The following ARL15 variants were observed in gnomAD, a reference collection of about 807,000 sequenced individuals.
ARL15 encodes the protein ADP-ribosylation factor-like protein 15.
ARL15 carries 19 observed loss-of-function variants against 25.2 expected under a neutral mutation model. That is an observed-to-expected ratio of 0.75 (90% CI 0.53 to 1.10). The LOEUF is 1.10. ARL15 is among the 50% of genes least tolerant of loss of function. ARL15 has a pLI of 0.00. For synonymous variants in ARL15, 94 were observed against 86.8 expected (o/e 1.08, Z -0.46); for missense variants, 220 against 246.0 (o/e 0.89, Z 0.71).
intron 4 of ARL15, among the ~76,000 whole-genome samples, chr5:54,096,163 T>C (rs200128848): frequency 5.9e-5 from 9 of 152,300 alleles, no homozygotes; most frequent in Middle Eastern, 3.4e-3. Context: ...CCACTGTTCA[T>C]GTTAGTTCAT....
intron 3 of ARL15, among the ~76,000 whole-genome samples, chr5:54,131,597 A>G (rs1315698314): frequency 6.6e-6 from 1 of 152,138 alleles, no homozygotes; most frequent in Non-Finnish European, 1.5e-5. Context: ...TACCATTGTT[A>G]CTTATGTAAA....
intron 4 of ARL15, among the ~76,000 whole-genome samples, chr5:54,087,118 C>T (rs566697783): frequency 2.7e-4 from 41 of 152,148 alleles, no homozygotes; most frequent in African/African-American, 8.4e-4. Flanking sequence ...GGGCGGATCA[C>T]GAGGTCAGGG....
intron 3 of ARL15, among the ~76,000 whole-genome samples, chr5:54,121,499 C>T (rs1753074374): frequency 2.0e-5 from 3 of 151,970 alleles, no homozygotes; most frequent in African/African-American, 2.4e-5. Flanking sequence ...ATGTGCATAT[C>T]GAATTATGTA....
intron 3 of ARL15, among the ~76,000 whole-genome samples, chr5:54,125,838 T>A (rs1269142548): frequency 6.6e-6 from 1 of 152,100 alleles, no homozygotes; most frequent in Non-Finnish European, 1.5e-5. Context: ...AGGTAGAAAT[T>A]CCCAAATGTG....
chr5:53,917,420 A>G (rs1745687787), intron 4 of ARL15, among the ~76,000 whole-genome samples: 1 of 152,170 alleles, frequency 6.6e-6, no homozygotes, highest in Non-Finnish European at 1.5e-5. Flanking sequence ...CAGAAATAGA[A>G]GCTCAAATTG....
intron 4 of ARL15, among the ~76,000 whole-genome samples, chr5:53,966,493 T>G (rs1177973751): frequency 6.6e-6 from 1 of 152,212 alleles, no homozygotes; most frequent in African/African-American, 2.4e-5. Flanking sequence ...GAACCCCAAC[T>G]TGAGCTGGTC....
At chr5:54,196,891 GGAA>G (rs1755564673) in intron 1 of ARL15, among the ~76,000 whole-genome samples, 1 of 151,888 alleles carries the variant, frequency 6.6e-6, no homozygotes, top group Admixed American at 6.6e-5. Flanking sequence ...AATGAGAAAT[GGAA>G]GAAAACAAGA....
intron 1 of ARL15, among the ~76,000 whole-genome samples, chr5:54,207,759 G>C (rs1055865382): frequency 6.6e-6 from 1 of 152,140 alleles, no homozygotes; most frequent in African/African-American, 2.4e-5. Context: ...CTCAGGAATG[G>C]CTGGAATCCA....
intron 4 of ARL15, among the ~76,000 whole-genome samples, chr5:53,917,353 G>T (rs1355962637): frequency 1.3e-5 from 2 of 152,188 alleles, no homozygotes; most frequent in African/African-American, 4.8e-5. Context: ...CTCAAGCCTG[G>T]ATGGGCCCCT....
intron 1 of ARL15, among the ~76,000 whole-genome samples, chr5:54,208,008 A>G (rs1654268401): frequency 1.3e-5 from 2 of 152,168 alleles, no homozygotes; most frequent in African/African-American, 4.8e-5. Flanking sequence ...TAGCATAGTG[A>G]ATATTGAGAG....
At chr5:54,155,380 C>A (rs1475287135) in intron 2 of ARL15, among the ~76,000 whole-genome samples, 4 of 151,896 alleles carry the variant, frequency 2.6e-5, no homozygotes, top group African/African-American at 9.7e-5. Flanking sequence ...ACTCAGCAAC[C>A]CTAGAAATTA....
chr5:54,221,226 T>C (rs1181282370), intron 1 of ARL15, among the ~76,000 whole-genome samples: 5 of 152,202 alleles, frequency 3.3e-5, no homozygotes, highest in Non-Finnish European at 1.5e-5. Context: ...GTGGTACATT[T>C]CACACAGGTC....
intron 4 of ARL15, among the ~76,000 whole-genome samples, chr5:54,022,996 T>G (rs1235744906): frequency 2.0e-5 from 3 of 152,024 alleles, no homozygotes; most frequent in Non-Finnish European, 4.4e-5. Context: ...AACTGAAAAA[T>G]GTAATAATGA....
intron 1 of ARL15, 120 bp from the exon 2 acceptor site, chr5:54,172,048 G>A: frequency 3.3e-6 from 4 of 1,196,250 alleles, no homozygotes; most frequent in East Asian, 2.6e-5. Flanking sequence ...TACCTATAAG[G>A]AAGAAAACGG....
intron 4 of ARL15, among the ~76,000 whole-genome samples, chr5:54,017,853 C>T (rs973673430): frequency 1.3e-5 from 2 of 152,018 alleles, no homozygotes; most frequent in African/African-American, 2.4e-5. Context: ...CTTCCTTACA[C>T]GTCAAGAAAA....
At chr5:54,093,861 G>C (rs561475536) in intron 4 of ARL15, among the ~76,000 whole-genome samples, 3 of 152,268 alleles carry the variant, frequency 2.0e-5, no homozygotes, top group African/African-American at 7.2e-5. Flanking sequence ...AATGCATCCT[G>C]ATGAATATCA....
intron 4 of ARL15, among the ~76,000 whole-genome samples, chr5:53,911,859 G>C (rs967857792): frequency 1.3e-5 from 2 of 152,256 alleles, no homozygotes; most frequent in African/African-American, 4.8e-5. Flanking sequence ...AGTGATGGTG[G>C]AATATAAAAA....
At chr5:54,101,447 T>A (rs914733039) in intron 4 of ARL15, among the ~76,000 whole-genome samples, 1 of 151,674 alleles carries the variant, frequency 6.6e-6, no homozygotes, top group Non-Finnish European at 1.5e-5. Context: ...CAGTCATTGC[T>A]TCAACAAAAT....
chr5:53,933,382 C>A (rs1746254030), intron 4 of ARL15, among the ~76,000 whole-genome samples: 1 of 152,152 alleles, frequency 6.6e-6, no homozygotes, highest in Admixed American at 6.5e-5. Context: ...CGCGGTGGCT[C>A]ACGCCTGTAA....
Sources: gnomAD v4.1 joint callset for allele counts (sites outside exome capture counted in the v4.1 genomes callset) on GRCh38, gnomAD v4.1.1 for gene constraint, MANE v1.5 for transcripts, NCBI Gene and HGNC (gene_info 2026-07-23, HGNC 2026-07-21) for gene names.